GLRA2: variants seen among roughly 807,000 people sequenced by gnomAD.
GLRA2 encodes the protein glycine receptor alpha 2.
In GLRA2, 11 loss-of-function variants were observed where a neutral mutation model predicts 31.6. The observed-to-expected ratio is 0.35, with a 90% CI of 0.22 to 0.58. The LOEUF (loss-of-function observed/expected upper bound fraction) is 0.58, where lower values mean the gene tolerates loss of function less well. GLRA2 is among the 20% of genes least tolerant of loss of function. The probability of loss-of-function intolerance (pLI) is 0.84; values close to 1 mark genes in which losing one functional copy is unlikely to be tolerated. For missense variants in GLRA2, 212 were observed against 351.8 expected (o/e 0.60, Z 3.18); for synonymous variants, 132 against 134.0 (o/e 0.99, Z 0.10).
intron 2 of GLRA2, among the ~76,000 whole-genome samples, chrX:14,545,507 A>T (rs1165926697): frequency 9.0e-6 from 1 of 111,567 alleles, no homozygotes; most frequent in East Asian, 2.8e-4. Flanking sequence ...TTTTCAACAC[A>T]TGAGCTTTGG....
At chrX:14,456,068 C>T in the GLRA2 span, among the ~76,000 whole-genome samples, 82 of 111,416 alleles carry the variant, frequency 7.4e-4, no homozygotes, top group East Asian at 8.5e-4. Flanking sequence ...ATTTCCTAGA[C>T]GATATGATAA....
At chrX:14,679,796 C>T (rs1265674436) in intron 7 of GLRA2, among the ~76,000 whole-genome samples, 2 of 111,871 alleles carry the variant, frequency 1.8e-5, no homozygotes, top group East Asian at 2.8e-4. Context: ...CGTATTCTAC[C>T]GACTTTTTGT....
intron 2 of GLRA2, among the ~76,000 whole-genome samples, chrX:14,564,416 C>G (rs2089775284): frequency 9.0e-6 from 1 of 111,099 alleles, no homozygotes; most frequent in Non-Finnish European, 1.9e-5. Flanking sequence ...CCAGCAAAAG[C>G]TGAGGGAGTT....
intron 8 of GLRA2, among the ~76,000 whole-genome samples, chrX:14,723,292 T>C (rs1294617348): frequency 8.9e-6 from 1 of 112,217 alleles, no homozygotes; most frequent in Non-Finnish European, 1.9e-5. Flanking sequence ...AGGTTAACCT[T>C]GACAATTTCC....
At chrX:14,710,763 C>T (rs1397303057) in intron 8 of GLRA2, among the ~76,000 whole-genome samples, 4 of 111,549 alleles carry the variant, frequency 3.6e-5, no homozygotes, top group Non-Finnish European at 7.5e-5. Context: ...TACATCTTTC[C>T]TGAACTTGGG....
intron 6 of GLRA2, among the ~76,000 whole-genome samples, chrX:14,607,485 TAGAG>T (rs1163172708): frequency 9.0e-6 from 1 of 111,161 alleles, no homozygotes; most frequent in Non-Finnish European, 1.9e-5. Context: ...CTCCAGAACA[TAGAG>T]AGAAGGAGAG....
intron 7 of GLRA2, among the ~76,000 whole-genome samples, chrX:14,682,923 G>A (rs1410053929): frequency 1.8e-5 from 2 of 111,223 alleles, no homozygotes; most frequent in African/African-American, 6.5e-5. Flanking sequence ...GTGTATATAT[G>A]CCACATTTTC....
chrX:14,509,093 A>G, the GLRA2 span, among the ~76,000 whole-genome samples: 7 of 112,281 alleles, frequency 6.2e-5, no homozygotes, highest in Non-Finnish European at 1.1e-4. Context: ...ATAAAGTTGG[A>G]TGCTTTTACT....
chrX:14,464,807 G>A, the GLRA2 span, among the ~76,000 whole-genome samples: 5 of 111,432 alleles, frequency 4.5e-5, no homozygotes, highest in Admixed American at 9.6e-5. Flanking sequence ...TGCCCACCTC[G>A]GCCTCCCAAA....
intron 7 of GLRA2, among the ~76,000 whole-genome samples, chrX:14,663,935 TTTC>T (rs749791520): frequency 2.7e-5 from 3 of 111,575 alleles, no homozygotes; most frequent in East Asian, 5.6e-4. Flanking sequence ...CCCATTATTG[TTTC>T]TTATTTTATA....
chrX:14,630,101 T>TTA lies in GLRA2; in HGVS notation c.930+20898_930+20899dup, dbSNP rs1292867551. 3.6e-5 allele frequency among the ~76,000 whole-genome samples: 4 copies of TTA among 112,171 alleles called. No individual in the cohort carries two copies. In the Admixed American group the frequency reaches 3.8e-4, roughly 11 times the overall value. On this transcript the variant is annotated intron_variant, in intron 7 of 8. Coordinates refer to ENST00000218075, the MANE Select transcript of GLRA2 (RefSeq NM_002063.4). Reference sequence around the variant, plus strand: ...ATCATTTTTCTTTTACCCATGGGAATTATTTTAACATTTTTTATAGTACAA... The same window carrying TTA: ...ATCATTTTTCTTTTACCCATGGGAATTATATTTTAACATTTTTTATAGTACAA...
At chrX:14,672,389 A>G (rs1465279814) in intron 7 of GLRA2, among the ~76,000 whole-genome samples, 1 of 112,527 alleles carries the variant, frequency 8.9e-6, no homozygotes, top group Non-Finnish European at 1.9e-5. Flanking sequence ...ACACTTCCAT[A>G]TTGAAAAATA....
chrX:14,575,565 G>A (rs185231252), intron 3 of GLRA2, among the ~76,000 whole-genome samples: 37 of 110,041 alleles, frequency 3.4e-4, no homozygotes, highest in East Asian at 1.4e-3. Context: ...GGGCTCAAAC[G>A]ATATTCCTGC....
At chrX:14,649,011 C>G (rs188702093) in intron 7 of GLRA2, among the ~76,000 whole-genome samples, 1 of 111,037 alleles carries the variant, frequency 9.0e-6, no homozygotes, top group Non-Finnish European at 1.9e-5. Context: ...GTCAAGAGAT[C>G]GAGACCATCC....
chrX:14,497,323 A>G, the GLRA2 span, among the ~76,000 whole-genome samples: 10 of 112,038 alleles, frequency 8.9e-5, no homozygotes, highest in African/African-American at 2.9e-4. Flanking sequence ...CAAAACGAGA[A>G]AGCAAAAGTG....
At chrX:14,559,294 A>G (rs2089692501) in intron 2 of GLRA2, among the ~76,000 whole-genome samples, 1 of 111,688 alleles carries the variant, frequency 9.0e-6, no homozygotes, top group Non-Finnish European at 1.9e-5. Flanking sequence ...AACAAGCTGA[A>G]TGCAGTAAGA....
At chrX:14,499,863 A>AT in the GLRA2 span, among the ~76,000 whole-genome samples, 11 of 110,298 alleles carry the variant, frequency 1.0e-4, no homozygotes, top group East Asian at 8.7e-4. Flanking sequence ...GTAAAAATGG[A>AT]TTTTTTTTTA....
At chrX:14,579,349 T>TTA (rs1556013435) in intron 3 of GLRA2, among the ~76,000 whole-genome samples, 12 of 107,158 alleles carry the variant, frequency 1.1e-4, no homozygotes, top group African/African-American at 1.7e-4. Flanking sequence ...TTTTTTTTTT[T>TTA]AATGGAGTCT....
At chrX:14,650,903 A>G (rs1482439160) in intron 7 of GLRA2, among the ~76,000 whole-genome samples, 2 of 112,257 alleles carry the variant, frequency 1.8e-5, no homozygotes, top group Non-Finnish European at 3.8e-5. Flanking sequence ...GAATAAGTGA[A>G]TGGAGGGATC....
Sources: allele counts gnomAD v4.1 joint callset (sites outside exome capture counted in the v4.1 genomes callset), GRCh38; gene constraint gnomAD v4.1.1; transcripts MANE v1.5; gene names NCBI Gene and HGNC (gene_info 2026-07-23, HGNC 2026-07-21).